ERC2: variants seen among roughly 807,000 people sequenced by gnomAD.
ERC2 encodes ERC protein 2.
ERC2 carries 42 observed loss-of-function variants against 114.8 expected under a neutral mutation model. The ratio of observed to expected loss-of-function variants is 0.37; its 90% CI spans 0.29 to 0.47. ERC2 has a LOEUF of 0.47. Ranked by LOEUF, ERC2 falls within the 20% of genes least tolerant of loss-of-function variation. ERC2 has a pLI of 0.99. For missense variants in ERC2, 939 were observed against 1,150.7 expected (o/e 0.82, Z 2.66); for synonymous variants, 454 against 425.5 (o/e 1.07, Z -0.82).
chr3:55,666,785 C>G (rs1229414490), intron 17 of ERC2, among the ~76,000 whole-genome samples: 1 of 152,070 alleles, frequency 6.6e-6, no homozygotes, highest in South Asian at 2.1e-4. Context: ...TGGCATAGAG[C>G]GTGTTCTCCA....
At chr3:56,021,025 G>A (rs1305752230) in intron 7 of ERC2, among the ~76,000 whole-genome samples, 1 of 152,090 alleles carries the variant, frequency 6.6e-6, no homozygotes, top group Non-Finnish European at 1.5e-5. Context: ...GAACCCAGCA[G>A]AAGAGCCAAT....
intron 12 of ERC2, among the ~76,000 whole-genome samples, chr3:55,983,155 C>G (rs1367117008): frequency 2.0e-5 from 3 of 152,190 alleles, no homozygotes; most frequent in Admixed American, 6.5e-5. Flanking sequence ...ATCAGCTGAC[C>G]TGGGATCCAA....
intron 14 of ERC2, among the ~76,000 whole-genome samples, chr3:55,772,463 C>T (rs1206809956): frequency 6.6e-6 from 1 of 152,154 alleles, no homozygotes; most frequent in Non-Finnish European, 1.5e-5. Flanking sequence ...TACAGGCACC[C>T]GCCACCACGC....
chr3:56,095,700 A>G (rs1296915498), intron 6 of ERC2, among the ~76,000 whole-genome samples: 1 of 152,224 alleles, frequency 6.6e-6, no homozygotes, highest in African/African-American at 2.4e-5. Flanking sequence ...GAACTAACTC[A>G]GTGTAAGAGA....
chr3:55,923,797 T>C (rs1014948023), intron 13 of ERC2, among the ~76,000 whole-genome samples: 1 of 152,080 alleles, frequency 6.6e-6, no homozygotes, highest in African/African-American at 2.4e-5. Context: ...ATCTCATTTC[T>C]TCTGTGCACC....
chr3:56,239,052 A>C lies in ERC2; in HGVS notation c.1074+56967T>G, dbSNP rs545487429. ...ACACATAAAATACCACAAATACTAC[A>C]CTGTAAAATTCTCCATGTGGCATAA... On this transcript the variant is annotated intron_variant, in intron 3 of 17. Coordinates refer to ENST00000288221, the MANE Select transcript of ERC2 (RefSeq NM_015576.3). 2.8e-3 allele frequency among the ~76,000 whole-genome samples: 429 copies of C among 152,254 alleles called. 3 individuals are homozygous for C. The highest frequency in any genetic ancestry group is 0.023 in the South Asian group (112 of 4,812).
chr3:55,886,344 C>T (rs1237226066), intron 14 of ERC2, among the ~76,000 whole-genome samples: 1 of 152,124 alleles, frequency 6.6e-6, no homozygotes, highest in African/African-American at 2.4e-5. Flanking sequence ...TATTTTTAAT[C>T]TCCATTCAAA....
intron 3 of ERC2, among the ~76,000 whole-genome samples, chr3:56,190,483 G>A (rs2083915294): frequency 2.0e-5 from 3 of 152,174 alleles, no homozygotes; most frequent in Non-Finnish European, 4.4e-5. Context: ...GCCCAGGCTA[G>A]AGTACAGTGG....
In ERC2 at chr3:55,792,178, C is replaced by T. The variant is rs545734489; in HGVS notation, c.2565-57260G>A. ...AATTCATGGCTAAACCAAGGCTAGG[C>T]TTGTGCAATATTTCACCAGCTCCCC... On this transcript the variant is annotated intron_variant, in intron 14 of 17. Coordinates refer to ENST00000288221, the MANE Select transcript of ERC2 (RefSeq NM_015576.3). 5.3e-3 allele frequency among the ~76,000 whole-genome samples: 811 copies of T among 152,304 alleles called. 5 individuals carry two copies. Among genetic ancestry groups the T allele is most frequent in the Non-Finnish European group, 9.2e-3 (624 of 68,024 alleles).
chr3:55,814,665 G>T (rs2059844744), intron 14 of ERC2, among the ~76,000 whole-genome samples: 1 of 152,148 alleles, frequency 6.6e-6, no homozygotes, highest in African/African-American at 2.4e-5. Context: ...GATATATGTG[G>T]GGTGGTAAAT....
At chr3:56,286,357 T>A (rs1429179230) in intron 3 of ERC2, among the ~76,000 whole-genome samples, 5 of 129,548 alleles carry the variant, frequency 3.9e-5, no homozygotes, top group Non-Finnish European at 1.5e-5. Flanking sequence ...GAGGTTGCAG[T>A]GAGCCAAGAT....
chr3:56,189,455 G>T (rs1274154567), intron 3 of ERC2, among the ~76,000 whole-genome samples: 1 of 152,218 alleles, frequency 6.6e-6, no homozygotes, highest in Non-Finnish European at 1.5e-5. Context: ...CATCTGTTGA[G>T]TCCATCCTTC....
chr3:55,680,864 T>C (rs1378517937), intron 17 of ERC2, among the ~76,000 whole-genome samples: 2 of 152,148 alleles, frequency 1.3e-5, no homozygotes, highest in African/African-American at 2.4e-5. Flanking sequence ...TAGGAATATA[T>C]GTTTGGTGTA....
At chr3:56,205,939 A>C (rs372663978) in intron 3 of ERC2, among the ~76,000 whole-genome samples, 5 of 152,296 alleles carry the variant, frequency 3.3e-5, no homozygotes, top group South Asian at 2.1e-4. Context: ...TCTTCTGGCC[A>C]TAAGACTCAA....
chr3:55,905,549 A>G (rs2064385652), intron 13 of ERC2, among the ~76,000 whole-genome samples: 1 of 148,252 alleles, frequency 6.7e-6, no homozygotes, highest in Non-Finnish European at 1.5e-5. Flanking sequence ...GTATAGGTGG[A>G]GGAAGCCAAA....
chr3:55,563,328 C>CTTT (rs57775830), intron 17 of ERC2, among the ~76,000 whole-genome samples: 1 of 138,910 alleles, frequency 7.2e-6, no homozygotes, highest in Non-Finnish European at 1.6e-5. Flanking sequence ...AGTGTCTTTC[C>CTTT]TTTTTTTTTT....
chr3:56,392,748 T>C (rs1169229337), intron 2 of ERC2, among the ~76,000 whole-genome samples: 2 of 152,182 alleles, frequency 1.3e-5, no homozygotes, highest in Admixed American at 6.5e-5. Flanking sequence ...TAAAATGGCT[T>C]CTAGTAAAGA....
At chr3:55,952,180 C>CTATATATATATA (rs1491480619) in intron 12 of ERC2, among the ~76,000 whole-genome samples, 5 of 25,614 alleles carry the variant, frequency 2.0e-4, no homozygotes, top group Admixed American at 3.8e-4. Flanking sequence ...CACACACACA[C>CTATATATATATA]TCTCTCTCTC....
At chr3:56,019,423 G>A (rs911577543) in intron 7 of ERC2, among the ~76,000 whole-genome samples, 1 of 152,106 alleles carries the variant, frequency 6.6e-6, no homozygotes, top group African/African-American at 2.4e-5. Context: ...ACATTTACTG[G>A]AGAGCCCATT....
Sources: allele counts gnomAD v4.1 joint callset (sites outside exome capture counted in the v4.1 genomes callset), GRCh38; gene constraint gnomAD v4.1.1; transcripts MANE v1.5; gene names NCBI Gene and HGNC (gene_info 2026-07-23, HGNC 2026-07-21).